BLNK: variants seen among roughly 807,000 people sequenced by gnomAD.
BLNK encodes B-cell linker protein.
A neutral mutation model predicts 73.5 loss-of-function variants in BLNK; 29 were observed. The ratio of observed to expected loss-of-function variants is 0.39; its 90% confidence interval spans 0.29 to 0.54. The LOEUF (loss-of-function observed/expected upper bound fraction) is 0.54. BLNK is among the 20% of genes least tolerant of loss of function. BLNK has a pLI of 0.61. For missense variants in BLNK, 460 were observed against 562.8 expected (o/e 0.82, Z 1.85); for synonymous variants, 176 against 200.8 (o/e 0.88, Z 1.04).
intron 1 of BLNK, among the ~76,000 whole-genome samples, chr10:96,266,694 TC>T (rs2134153136): frequency 6.6e-6 from 1 of 152,248 alleles, no homozygotes; most frequent in African/African-American, 2.4e-5. Context: ...AACCAGACGG[TC>T]CAGGAAGTGG....
intron 1 of BLNK, among the ~76,000 whole-genome samples, chr10:96,264,632 A>G (rs1488729901): frequency 1.3e-5 from 2 of 152,204 alleles, no homozygotes; most frequent in African/African-American, 4.8e-5. Context: ...TAGAGCTGGA[A>G]AAAAGTCTTT....
At position 96,200,150 on chromosome 10, in the gene BLNK, G is replaced by A. The variant is rs375535673; in HGVS notation, c.1020C>T (p.Gly340=). 5.9e-5 allele frequency: 95 copies of A among 1,613,802 alleles called. No individual in the cohort carries two copies. The highest frequency in any genetic ancestry group is 1.6e-4 in the Middle Eastern group (1 of 6,084). The change falls in exon 15 of 17, where the codon GGC becomes GGT. Residue 340 remains glycine (G), a synonymous_variant. Transcript: ENST00000224337. This position sits in a 1 kb window ranked among gnomAD's most constrained non-coding sequence, Gnocchi z 4.3. ...SNSTISEQEA[G]VLCKPWYAGA... is the part of the protein sequence containing the mutation. ...CAGCATACCATGGCTTGCAGAGAAC[G>A]CCAGCTTCCTGTGAAATGGAGGGCA...
At chr10:96,266,901 C>G (rs1844029470) in intron 1 of BLNK, among the ~76,000 whole-genome samples, 1 of 152,204 alleles carries the variant, frequency 6.6e-6, no homozygotes, top group Non-Finnish European at 1.5e-5. Context: ...GTGGCAAATA[C>G]TCTTCTGGGA....
chr10:96,230,953 ACTTGAC>A, intron 3 of BLNK, 119 bp from the exon 4 acceptor site: 1 of 1,003,108 alleles, frequency 1.0e-6, no homozygotes, highest in South Asian at 1.4e-5. Flanking sequence ...GGTGCCATAT[ACTTGAC>A]CTTGGGTTAG....
intron 5 of BLNK, 21 bp downstream of exon 5, chr10:96,227,389 C>G (rs1554902741): frequency 1.2e-6 from 2 of 1,611,642 alleles, no homozygotes; most frequent in South Asian, 2.2e-5. Context: ...GCCGAGTGCC[C>G]AGGTCTGCGG....
intron 16 of BLNK, among the ~76,000 whole-genome samples, chr10:96,196,377 G>A (rs1456448860): frequency 1.3e-5 from 2 of 152,148 alleles, no homozygotes; most frequent in East Asian, 3.8e-4. Context: ...GATTAAAGAG[G>A]CATTAAAGTT....
At chr10:96,207,167 T>A in intron 10 of BLNK, 114 bp from the exon 11 acceptor site, 1 of 934,996 alleles carries the variant, frequency 1.1e-6, no homozygotes, top group East Asian at 2.5e-5. Flanking sequence ...GATGCATTGC[T>A]ATTCTTTCAA....
At chr10:96,199,056 TCAGAATCTACTACAGGTACAC>T (rs2133941571) in intron 15 of BLNK, among the ~76,000 whole-genome samples, 1 of 152,266 alleles carries the variant, frequency 6.6e-6, no homozygotes, top group African/African-American at 2.4e-5. Flanking sequence ...CGATTTTTCC[TCAGAATCTACTACAGGTACAC>T]TTCATCAAAG....
chr10:96,250,339 A>T (rs1405424793), intron 1 of BLNK, among the ~76,000 whole-genome samples: 1 of 152,012 alleles, frequency 6.6e-6, no homozygotes, highest in Non-Finnish European at 1.5e-5. Context: ...AATCTTCGAG[A>T]TAGAGGAAAG....
chr10:96,200,295 T>A lies in BLNK; in HGVS notation c.1012-137A>T. 1.5e-6 allele frequency: 1 copy of A among 649,846 alleles called. No individual in the cohort carries two copies. Among genetic ancestry groups the A allele is most frequent in the Non-Finnish European group, 2.7e-6 (1 of 366,540 alleles). The allele number at this position is 649,846 out of a possible 1,614,324, so 40.3% of individuals were successfully genotyped here. A position where few individuals can be genotyped will look rare whatever the true frequency, so the allele number is the denominator to read the frequency against. On this transcript the variant is annotated intron_variant, in intron 14 of 16. Coordinates refer to ENST00000224337, the MANE Select transcript of BLNK (RefSeq NM_013314.4). This position sits in a 1 kb window ranked among gnomAD's most constrained non-coding sequence, Gnocchi z 4.3. Reference sequence around the variant, plus strand: ...ACCAATAATTTTAAGATGAGTTTTATTTTTCCTTTGATCAAACACAAGGAT... The same window carrying A: ...ACCAATAATTTTAAGATGAGTTTTAATTTTCCTTTGATCAAACACAAGGAT...
In BLNK at chr10:96,207,447, T is replaced by C. The variant is rs587685960; in HGVS notation, c.775-394A>G. On this transcript the variant is annotated intron_variant, in intron 10 of 16. Transcript: ENST00000224337. ...AAATGTCAGGCTTCACAGTAGGGAC[T>C]AGGTCCAGGTGGGCTCCCTTATGTA... Among the ~76,000 whole-genome samples, 302 of 152,354 alleles carry C rather than the reference T, an allele frequency of 2.0e-3. 5 individuals are homozygous for C. Among genetic ancestry groups the C allele is most frequent in the Non-Finnish European group, 2.3e-3 (155 of 68,030 alleles).
intron 1 of BLNK, among the ~76,000 whole-genome samples, chr10:96,252,074 G>A (rs934836065): frequency 2.0e-5 from 3 of 151,958 alleles, no homozygotes; most frequent in East Asian, 1.9e-4. Flanking sequence ...ATTTTGAGAC[G>A]GAGTCTCACT....
At chr10:96,213,209 C>T (rs2083987180) in intron 8 of BLNK, among the ~76,000 whole-genome samples, 1 of 152,192 alleles carries the variant, frequency 6.6e-6, no homozygotes. Flanking sequence ...CTGGGGTAGG[C>T]CCTGGAAACA....
chr10:96,223,715 C>T, intron 6 of BLNK, 111 bp downstream of exon 6: 3 of 1,282,584 alleles, frequency 2.3e-6, no homozygotes, highest in East Asian at 4.6e-5. Flanking sequence ...TTAGAGGGGG[C>T]AGTCAATAGC....
At chr10:96,264,075 G>A (rs1388435339) in intron 1 of BLNK, among the ~76,000 whole-genome samples, 5 of 152,126 alleles carry the variant, frequency 3.3e-5, no homozygotes, top group Non-Finnish European at 7.4e-5. Context: ...CTAATAATGT[G>A]CATGGTTCCT....
intron 3 of BLNK, among the ~76,000 whole-genome samples, chr10:96,236,227 C>T (rs1230944007): frequency 3.3e-5 from 5 of 152,136 alleles, no homozygotes; most frequent in Non-Finnish European, 5.9e-5. Flanking sequence ...GGAGGCTACC[C>T]GGCCGCCAGA....
At chr10:96,223,777 C>T in intron 6 of BLNK, 49 bp downstream of exon 6, 1 of 1,609,242 alleles carries the variant, frequency 6.2e-7, no homozygotes, top group Non-Finnish European at 8.5e-7. Flanking sequence ...GGTCGCTTGC[C>T]CCACCCCCCT....
In BLNK at chr10:96,191,981, C is replaced by T. The variant is rs1564807644; in HGVS notation, c.1363G>A (p.Val455Ile). The T allele has an allele frequency of 1.2e-6, 2 of 1,613,562 alleles. No individual in the cohort carries two copies. The highest frequency in any genetic ancestry group is 1.7e-6 in the Non-Finnish European group (2 of 1,179,714). ...ATCTTTTTTTTCCCCCTTTATGAAA[C>T]TTTAACTGCATACTTCAGTCTGGTG... is the stretch of plus-strand genomic sequence containing the variant. ...DSTRLKYAVKVS is the reference protein window; with the variant it reads ...DSTRLKYAVKIS The change falls in exon 17 of 17, where the codon GTT (valine) becomes ATT (isoleucine). Residue 455 changes from valine (V) to isoleucine (I), a missense_variant. By Grantham distance (29) the Val-to-Ile change is conservative. Transcript: ENST00000224337.
At chr10:96,194,872 G>A (rs1044523726) in intron 16 of BLNK, among the ~76,000 whole-genome samples, 2 of 147,702 alleles carry the variant, frequency 1.4e-5, no homozygotes, top group Admixed American at 6.9e-5. Flanking sequence ...CCGGGTTCAC[G>A]CCATTCTCCT....
Sources: gnomAD v4.1 joint callset for allele counts (sites outside exome capture counted in the v4.1 genomes callset) on GRCh38, gnomAD v4.1.1 for gene constraint, Gnocchi (gnomAD v3.1) non-coding constraint, MANE v1.5 for transcripts, NCBI Gene and HGNC (gene_info 2026-07-23, HGNC 2026-07-21) for gene names.